DLG2: variants seen among roughly 807,000 people sequenced by gnomAD.
DLG2 encodes disks large homolog 2.
In DLG2, 45 loss-of-function variants were observed where a neutral mutation model predicts 132.5. The observed-to-expected ratio is 0.34, with a 90% CI of 0.27 to 0.44. The LOEUF is 0.44. DLG2 is among the 20% of genes least tolerant of loss of function. The probability of loss-of-function intolerance (pLI) is 1.00; values close to 1 mark genes in which losing one functional copy is unlikely to be tolerated. For synonymous variants in DLG2, 424 were observed against 419.6 expected, an observed-to-expected ratio of 1.01 and a Z score of -0.13; for missense variants, 1,045 against 1,196.9, an observed-to-expected ratio of 0.87 and a Z score of 1.87.
Position 83,561,883 on chromosome 11 carries a change from C to CTTT in DLG2, c.1941-20028_1941-20026dup, listed in dbSNP as rs66514406. On this transcript the variant is annotated intron_variant, in intron 19 of 27. Coordinates refer to ENST00000376104, the MANE Select transcript of DLG2 (RefSeq NM_001142699.3). ...GCAAAGTTTGACTTAGTATTTCTTTCTTTTTTTTTTTTTTTTTTTTTTTTG... is the reference window on the plus strand; with the variant it reads ...GCAAAGTTTGACTTAGTATTTCTTTCTTTTTTTTTTTTTTTTTTTTTTTTTTTG... 3.9e-3 allele frequency among the ~76,000 whole-genome samples: 347 copies of CTTT among 87,932 alleles called. 3 individuals carry two copies. Among genetic ancestry groups the CTTT allele is most frequent in the African/African-American group, 5.2e-3 (112 of 21,736 alleles). 57.7% of individuals were successfully genotyped at this position (87,932 alleles called of 152,430 possible).
intron 6 of DLG2, among the ~76,000 whole-genome samples, chr11:84,680,771 T>C (rs2099727191): frequency 6.6e-6 from 1 of 152,192 alleles, no homozygotes; most frequent in Admixed American, 6.5e-5. Context: ...AAAGGAAATG[T>C]TAACACTGTC....
At chr11:84,433,620 T>A (rs1295027884) in intron 7 of DLG2, among the ~76,000 whole-genome samples, 1 of 152,208 alleles carries the variant, frequency 6.6e-6, no homozygotes, top group Non-Finnish European at 1.5e-5. Flanking sequence ...TAACAAAGAA[T>A]CTCTTATGTA....
intron 4 of DLG2, among the ~76,000 whole-genome samples, chr11:85,217,904 T>G (rs1413657146): frequency 6.6e-6 from 1 of 152,084 alleles, no homozygotes; most frequent in Non-Finnish European, 1.5e-5. Context: ...AAAGTCTTAC[T>G]TTTTTTTGAA....
At chr11:85,582,259 A>G (rs1325874003) in intron 3 of DLG2, among the ~76,000 whole-genome samples, 1 of 152,202 alleles carries the variant, frequency 6.6e-6, no homozygotes, top group Non-Finnish European at 1.5e-5. Flanking sequence ...TTGTGGGATC[A>G]ATGATTGATA....
intron 18 of DLG2, among the ~76,000 whole-genome samples, chr11:83,736,027 G>A (rs1177006186): frequency 5.3e-5 from 8 of 152,276 alleles, no homozygotes; most frequent in Middle Eastern, 3.4e-3. Context: ...GATTAGATTG[G>A]ACAGTATAAA....
intron 18 of DLG2, among the ~76,000 whole-genome samples, chr11:83,708,790 T>C (rs1456044707): frequency 2.0e-5 from 3 of 152,152 alleles, no homozygotes; most frequent in Non-Finnish European, 2.9e-5. Flanking sequence ...ACCCAGATAC[T>C]AAGGAAGAAA....
intron 6 of DLG2, among the ~76,000 whole-genome samples, chr11:85,068,574 C>A (rs1481518106): frequency 6.6e-6 from 1 of 151,948 alleles, no homozygotes; most frequent in Non-Finnish European, 1.5e-5. Context: ...GAATAAAATA[C>A]CTAGGAATCC....
intron 6 of DLG2, among the ~76,000 whole-genome samples, chr11:84,702,887 G>T (rs188079267): frequency 6.6e-6 from 1 of 151,656 alleles, no homozygotes; most frequent in Non-Finnish European, 1.5e-5. Context: ...CATATGAAAA[G>T]ATCTATAAAT....
At chr11:83,713,805 G>T (rs1463757898) in intron 18 of DLG2, among the ~76,000 whole-genome samples, 1 of 152,228 alleles carries the variant, frequency 6.6e-6, no homozygotes. Context: ...TCAACTGCTG[G>T]CTGCATTTCA....
At chr11:84,369,665 G>T (rs2098698275) in intron 7 of DLG2, among the ~76,000 whole-genome samples, 1 of 152,098 alleles carries the variant, frequency 6.6e-6, no homozygotes, top group Non-Finnish European at 1.5e-5. Flanking sequence ...CACAGACATG[G>T]TTGGAGCATT....
chr11:85,403,520 T>C (rs2088402723), intron 3 of DLG2, among the ~76,000 whole-genome samples: 1 of 151,388 alleles, frequency 6.6e-6, no homozygotes, highest in Non-Finnish European at 1.5e-5. Context: ...AAAAGAAAGA[T>C]GAGAAGGACA....
At chr11:84,436,913 A>G (rs1265476974) in intron 7 of DLG2, among the ~76,000 whole-genome samples, 1 of 152,190 alleles carries the variant, frequency 6.6e-6, no homozygotes, top group Non-Finnish European at 1.5e-5. Flanking sequence ...GGTCAACGTT[A>G]CTGAGAGTCC....
At chr11:85,208,873 G>A (rs1371434477) in intron 4 of DLG2, among the ~76,000 whole-genome samples, 6 of 152,054 alleles carry the variant, frequency 3.9e-5, no homozygotes, top group African/African-American at 1.4e-4. Flanking sequence ...GGGCTCTCCG[G>A]GGAGAGGTGA....
intron 3 of DLG2, among the ~76,000 whole-genome samples, chr11:85,380,553 G>A (rs537871341): frequency 2.0e-5 from 3 of 152,226 alleles, no homozygotes; most frequent in Admixed American, 6.5e-5. Context: ...CCAACTACTC[G>A]GGAGGCTGAG....
At chr11:83,953,431 T>C (rs2085991380) in intron 14 of DLG2, among the ~76,000 whole-genome samples, 1 of 152,176 alleles carries the variant, frequency 6.6e-6, no homozygotes, top group Non-Finnish European at 1.5e-5. Flanking sequence ...GGTCGCATGC[T>C]CTTTATGAGA....
intron 4 of DLG2, among the ~76,000 whole-genome samples, chr11:85,227,140 C>T (rs1423771065): frequency 6.6e-6 from 1 of 152,134 alleles, no homozygotes; most frequent in South Asian, 2.1e-4. Context: ...AAAATAGCAT[C>T]TATGAAAGGA....
intron 19 of DLG2, among the ~76,000 whole-genome samples, chr11:83,607,967 G>A (rs1178766731): frequency 6.6e-6 from 1 of 152,168 alleles, no homozygotes; most frequent in Non-Finnish European, 1.5e-5. Context: ...CTCAGGGTAG[G>A]GGACAAGGTC....
chr11:83,499,629 C>G (rs1214252832), intron 21 of DLG2, among the ~76,000 whole-genome samples: 1 of 150,818 alleles, frequency 6.6e-6, no homozygotes. Flanking sequence ...CGTATTGCCT[C>G]CTTATAAGGT....
chr11:83,970,554 C>G (rs756023813), intron 12 of DLG2, among the ~76,000 whole-genome samples: 32 of 152,338 alleles, frequency 2.1e-4, no homozygotes, highest in Middle Eastern at 3.4e-3. Context: ...ATTAAAAGCA[C>G]ATGCTTTTGA....
Sources: allele counts gnomAD v4.1 joint callset (sites outside exome capture counted in the v4.1 genomes callset), GRCh38; gene constraint gnomAD v4.1.1; transcripts MANE v1.5; gene names NCBI Gene and HGNC (gene_info 2026-07-23, HGNC 2026-07-21).